MTUS2: variants seen among roughly 807,000 people sequenced by gnomAD.
MTUS2 encodes the protein microtubule-associated tumor suppressor candidate 2.
MTUS2 carries 40 observed loss-of-function variants against 114.1 expected under a neutral mutation model. That is an observed-to-expected ratio of 0.35 (90% CI 0.27 to 0.46). The LOEUF (loss-of-function observed/expected upper bound fraction) is 0.46, where lower values mean the gene tolerates loss of function less well. Ranked by LOEUF, MTUS2 falls within the 20% of genes least tolerant of loss-of-function variation. MTUS2 has a pLI of 1.00. For missense variants in MTUS2, 1,679 were observed against 1,705.4 expected (o/e 0.98, Z 0.27); for synonymous variants, 688 against 672.0 (o/e 1.02, Z -0.37).
chr13:29,421,092 A>G (rs955215084), intron 8 of MTUS2, among the ~76,000 whole-genome samples: 4 of 152,190 alleles, frequency 2.6e-5, no homozygotes, highest in African/African-American at 9.7e-5. Context: ...CCTGGTTATT[A>G]TATCAAAGGT....
intron 2 of MTUS2, among the ~76,000 whole-genome samples, chr13:28,913,130 C>T (rs990734213): frequency 6.6e-6 from 1 of 152,150 alleles, no homozygotes; most frequent in Admixed American, 6.6e-5. Flanking sequence ...ATTCCCCTGG[C>T]CAGAACTTCC....
chr13:29,116,004 G>T (rs1249102054), intron 5 of MTUS2, among the ~76,000 whole-genome samples: 1 of 152,182 alleles, frequency 6.6e-6, no homozygotes, highest in Non-Finnish European at 1.5e-5. Context: ...TTGTTGCTGA[G>T]TCTTTACTGT....
chr13:28,935,006 GTTTTTTTT>G (rs775863792), intron 2 of MTUS2, among the ~76,000 whole-genome samples: 4 of 41,446 alleles, frequency 9.7e-5, no homozygotes, highest in African/African-American at 3.7e-4. Context: ...TCTCCATAGC[GTTTTTTTT>G]TTTTTTTTTT....
At chr13:29,400,374 A>G (rs1874234353) in intron 8 of MTUS2, among the ~76,000 whole-genome samples, 1 of 152,236 alleles carries the variant, frequency 6.6e-6, no homozygotes, top group Admixed American at 6.5e-5. Context: ...GAAGAAATAA[A>G]GATGAGACTT....
At chr13:29,217,778 AT>A (rs1724130427) in intron 5 of MTUS2, among the ~76,000 whole-genome samples, 1 of 152,222 alleles carries the variant, frequency 6.6e-6, no homozygotes, top group Non-Finnish European at 1.5e-5. Flanking sequence ...CTGCTGCTAT[AT>A]CAACCAAGTT....
intron 4 of MTUS2, among the ~76,000 whole-genome samples, chr13:29,092,837 A>G (rs797016104): frequency 1.6e-4 from 24 of 152,364 alleles, no homozygotes; most frequent in African/African-American, 5.5e-4. Context: ...GACTTACATA[A>G]TTGAAGTCTC....
intron 5 of MTUS2, among the ~76,000 whole-genome samples, chr13:29,269,227 T>G (rs3011448): frequency 0.016 from 2,433 of 152,260 alleles, 72 homozygotes; most frequent in African/African-American, 0.056. Context: ...CTCAATCTCT[T>G]CCTGGAGAAG....
At chr13:29,304,343 G>T (rs891831766) in intron 6 of MTUS2, among the ~76,000 whole-genome samples, 1 of 152,092 alleles carries the variant, frequency 6.6e-6, no homozygotes, top group African/African-American at 2.4e-5. Context: ...GCACAGAATG[G>T]CAAGCTGGAT....
At chr13:29,260,282 G>C (rs1324548729) in intron 5 of MTUS2, among the ~76,000 whole-genome samples, 1 of 152,104 alleles carries the variant, frequency 6.6e-6, no homozygotes, top group Non-Finnish European at 1.5e-5. Context: ...TTTTTCTTTG[G>C]ACTTTAGTAC....
intron 5 of MTUS2, among the ~76,000 whole-genome samples, chr13:29,195,160 G>A (rs1415817815): frequency 2.0e-5 from 3 of 150,306 alleles, no homozygotes; most frequent in Admixed American, 6.7e-5. Context: ...GAGTTAATGG[G>A]TGCAGCACAC....
intron 2 of MTUS2, among the ~76,000 whole-genome samples, chr13:28,949,465 G>A (rs1882702383): frequency 6.6e-6 from 1 of 152,076 alleles, no homozygotes; most frequent in African/African-American, 2.4e-5. Flanking sequence ...TATTTTAATT[G>A]TGGTAAAATA....
chr13:29,236,782 G>C (rs554096843), intron 5 of MTUS2, among the ~76,000 whole-genome samples: 1 of 152,180 alleles, frequency 6.6e-6, no homozygotes, highest in African/African-American at 2.4e-5. Context: ...AGGAACAGGT[G>C]CTATTGTTAC....
chr13:29,056,430 A>T (rs1888136797), intron 4 of MTUS2, among the ~76,000 whole-genome samples: 1 of 151,892 alleles, frequency 6.6e-6, no homozygotes, highest in Non-Finnish European at 1.5e-5. Flanking sequence ...ATTCTTATTT[A>T]TACATTGTTT....
chr13:28,982,008 A>G (rs934901955), intron 2 of MTUS2, among the ~76,000 whole-genome samples: 9 of 152,158 alleles, frequency 5.9e-5, no homozygotes, highest in Admixed American at 2.0e-4. Context: ...TTCGTGGCAT[A>G]GGGAAAGGAT....
At chr13:29,357,258 T>C (rs955443606) in intron 7 of MTUS2, among the ~76,000 whole-genome samples, 1 of 152,112 alleles carries the variant, frequency 6.6e-6, no homozygotes, top group Non-Finnish European at 1.5e-5. Context: ...CAGAAATAAA[T>C]CTAACAGCCA....
chr13:29,060,682 A>G (rs1260702142), intron 4 of MTUS2, among the ~76,000 whole-genome samples: 4 of 149,106 alleles, frequency 2.7e-5, no homozygotes, highest in Admixed American at 2.0e-4. Context: ...ATTTTAGACT[A>G]TTTACATTTA....
At chr13:29,193,466 C>T (rs1324334775) in intron 5 of MTUS2, among the ~76,000 whole-genome samples, 1 of 152,002 alleles carries the variant, frequency 6.6e-6, no homozygotes, top group Non-Finnish European at 1.5e-5. Flanking sequence ...GACAGAGAGG[C>T]AAATCATGAG....
At chr13:29,307,873 A>G in intron 6 of MTUS2, 1 of 586,288 alleles carries the variant, frequency 1.7e-6, no homozygotes, top group South Asian at 1.8e-5. Flanking sequence ...CTCCACACTG[A>G]GAATCCCCCC....
intron 2 of MTUS2, among the ~76,000 whole-genome samples, chr13:28,938,648 G>A (rs149851686): frequency 6.6e-6 from 1 of 152,080 alleles, no homozygotes; most frequent in East Asian, 1.9e-4. Context: ...CAAATTCTCT[G>A]TATGGGATCT....
Sources: gnomAD v4.1 joint callset for allele counts (sites outside exome capture counted in the v4.1 genomes callset) on GRCh38, gnomAD v4.1.1 for gene constraint, MANE v1.5 for transcripts, NCBI Gene and HGNC (gene_info 2026-07-23, HGNC 2026-07-21) for gene names.